The following XIRP2 variants were observed in gnomAD, a reference collection of about 807,000 sequenced individuals.
The protein encoded by XIRP2 is xin actin binding repeat containing 2.
XIRP2 carries 236 observed loss-of-function variants against 277.0 expected under a neutral mutation model. The observed-to-expected ratio is 0.85, with a 90% CI of 0.77 to 0.95. The LOEUF is 0.95. Among genes scored for constraint, XIRP2 ranks in the 40% least tolerant of loss-of-function variants. The pLI is 0.00. For missense variants in XIRP2, 4,640 were observed against 4,157.5 expected, an observed-to-expected ratio of 1.12 and a Z score of -3.19; for synonymous variants, 1,490 against 1,416.5, an observed-to-expected ratio of 1.05 and a Z score of -1.17.
intron 2 of XIRP2, among the ~76,000 whole-genome samples, chr2:166,916,404 A>G (rs1164379908): frequency 6.6e-6 from 1 of 152,134 alleles, no homozygotes; most frequent in Non-Finnish European, 1.5e-5. Context: ...AGTGTTTCTG[A>G]GGTAACTTCT....
At chr2:167,010,387 T>C (rs10036588) in intron 2 of XIRP2, among the ~76,000 whole-genome samples, 3 of 151,576 alleles carry the variant, frequency 2.0e-5, no homozygotes, top group African/African-American at 2.4e-5. Flanking sequence ...TGTAGATATG[T>C]GGCGTTATTT....
intron 2 of XIRP2, among the ~76,000 whole-genome samples, chr2:166,933,762 A>G (rs1009232543): frequency 6.6e-6 from 1 of 152,164 alleles, no homozygotes; most frequent in African/African-American, 2.4e-5. Flanking sequence ...ACCAGATTTT[A>G]CTATTTATTA....
At chr2:167,027,237 G>A (rs190265146) in intron 2 of XIRP2, among the ~76,000 whole-genome samples, 1,649 of 151,762 alleles carry the variant, frequency 0.011, 29 homozygotes, top group South Asian at 0.066. Context: ...TTCCCTCCTC[G>A]CTTCATTTCA....
chr2:167,131,120 C>A (rs921024877), intron 2 of XIRP2, among the ~76,000 whole-genome samples: 1 of 152,110 alleles, frequency 6.6e-6, no homozygotes, highest in Admixed American at 6.6e-5. Context: ...GGGTTCTTAT[C>A]TTCAAGCTAC....
chr2:166,982,042 C>G (rs1036539546), intron 2 of XIRP2, among the ~76,000 whole-genome samples: 2 of 136,318 alleles, frequency 1.5e-5, no homozygotes, highest in African/African-American at 5.5e-5. Flanking sequence ...CTAGGCATCA[C>G]ATCACATTGT....
chr2:167,088,735 C>T (rs1419059408), intron 2 of XIRP2, among the ~76,000 whole-genome samples: 3 of 152,162 alleles, frequency 2.0e-5, no homozygotes, highest in African/African-American at 7.2e-5. Flanking sequence ...CTTGCTTTCT[C>T]AACTTCAAAC....
chr2:166,903,843 T>A lies in XIRP2; in HGVS notation c.361T>A (p.Phe121Ile), dbSNP rs769426973. Residue 121 changes from phenylalanine to isoleucine, a missense_variant, in exon 2 of 11, where the codon TTT (phenylalanine) becomes ATT (isoleucine). Phe to Ile is a conservative substitution (Grantham distance 21, BLOSUM62 0). Coordinates refer to ENST00000409195, the MANE Select transcript of XIRP2 (RefSeq NM_152381.6). ...SIALDELRSV[F>I]EAPKSGNKPA... is the part of the protein sequence containing the mutation. ...TGCCCTTGATGAGCTGAGGAGTGTG[T>A]TTGAGGCTCCTAAGAGTGGAAACAA... The A allele has an allele frequency of 1.4e-5, 22 of 1,613,466 alleles. No homozygotes were observed. The highest frequency in any genetic ancestry group is 1.9e-5 in the Non-Finnish European group (22 of 1,179,700).
intron 2 of XIRP2, among the ~76,000 whole-genome samples, chr2:167,130,764 G>A (rs1253345797): frequency 6.6e-6 from 1 of 151,510 alleles, no homozygotes; most frequent in Non-Finnish European, 1.5e-5. Context: ...GTCTCTCCCT[G>A]CCCTAACCCC....
intron 2 of XIRP2, among the ~76,000 whole-genome samples, chr2:166,954,428 G>A (rs1364676090): frequency 6.6e-6 from 1 of 151,892 alleles, no homozygotes; most frequent in Non-Finnish European, 1.5e-5. Context: ...ACAGATGCTG[G>A]TGAGGTTGTG....
intron 5 of XIRP2, among the ~76,000 whole-genome samples, chr2:167,232,529 G>T (rs563741611): frequency 6.6e-6 from 1 of 152,036 alleles, no homozygotes; most frequent in South Asian, 2.1e-4. Context: ...AAAATTCATT[G>T]ATGTAGCTGA....
rs761201634 is a variant in XIRP2 at position 167,251,130 on chromosome 2, T to C, written c.9738T>C (p.His3246=). 6.6e-5 allele frequency: 106 copies of C among 1,613,494 alleles called. 2 individuals carry two copies. The South Asian group carries it at 1.0e-3, about 16-fold the overall frequency. The part of the protein sequence containing the change: ...PTITIPVNIN[H]AASGSFRESV... ...TCACAATACCAGTAAATATAAATCATGCTGCTAGTGGTTCCTTCAGAGAAT... is the reference window on the plus strand; with the variant it reads ...TCACAATACCAGTAAATATAAATCACGCTGCTAGTGGTTCCTTCAGAGAAT... The change falls in exon 9 of 11, where the codon CAT becomes CAC. Residue 3246 remains histidine (H), a synonymous_variant. Transcript: ENST00000409195.
chr2:167,202,096 C>G (rs147736365), intron 3 of XIRP2, among the ~76,000 whole-genome samples: 1 of 152,026 alleles, frequency 6.6e-6, no homozygotes, highest in Admixed American at 6.6e-5. Flanking sequence ...ATGTAATATA[C>G]GTCTGATTGT....
intron 2 of XIRP2, among the ~76,000 whole-genome samples, chr2:167,118,586 C>T (rs79360893): frequency 0.08 from 12,232 of 152,078 alleles, 538 homozygotes; most frequent in South Asian, 0.16. Context: ...TTTTACCGTT[C>T]GAGTACACAG....
At chr2:167,227,099 G>T (rs1694625451) in intron 5 of XIRP2, among the ~76,000 whole-genome samples, 1 of 152,072 alleles carries the variant, frequency 6.6e-6, no homozygotes, top group Non-Finnish European at 1.5e-5. Flanking sequence ...GCTATCCCAG[G>T]GTTGACCTCT....
chr2:166,933,781 C>G (rs1685415426), intron 2 of XIRP2, among the ~76,000 whole-genome samples: 1 of 152,082 alleles, frequency 6.6e-6, no homozygotes, highest in Admixed American at 6.5e-5. Context: ...TACAAAGCTA[C>G]AATAATGAAG....
chr2:167,224,260 G>T (rs1016851639), intron 5 of XIRP2, among the ~76,000 whole-genome samples: 4 of 152,050 alleles, frequency 2.6e-5, no homozygotes, highest in African/African-American at 9.7e-5. Flanking sequence ...TTGAGACAGG[G>T]TCTTGCTCTG....
intron 2 of XIRP2, among the ~76,000 whole-genome samples, chr2:167,013,143 G>T (rs1687728124): frequency 6.6e-6 from 1 of 151,182 alleles, no homozygotes; most frequent in Non-Finnish European, 1.5e-5. Context: ...TATGACTCAT[G>T]TCAGTTATTT....
intron 2 of XIRP2, among the ~76,000 whole-genome samples, chr2:166,987,639 C>T (rs894046071): frequency 6.6e-6 from 1 of 151,916 alleles, no homozygotes; most frequent in Non-Finnish European, 1.5e-5. Context: ...GAGTAGCATC[C>T]AGATCTTGTT....
chr2:167,071,532 A>G (rs1689437553), intron 2 of XIRP2, among the ~76,000 whole-genome samples: 1 of 152,248 alleles, frequency 6.6e-6, no homozygotes, highest in South Asian at 2.1e-4. Context: ...CTCGTAGGAG[A>G]AGGTTGGTCT....
Sources: allele counts gnomAD v4.1 joint callset (sites outside exome capture counted in the v4.1 genomes callset), GRCh38; gene constraint gnomAD v4.1.1; transcripts MANE v1.5; gene names NCBI Gene and HGNC (gene_info 2026-07-23, HGNC 2026-07-21).